TEAD1: variants seen among roughly 807,000 people sequenced by gnomAD.
The protein encoded by TEAD1 is transcriptional enhancer factor TEF-1.
TEAD1 carries 9 observed loss-of-function variants against 54.9 expected under a neutral mutation model. The observed-to-expected ratio is 0.16, with a 90% CI of 0.10 to 0.29. TEAD1 has a LOEUF of 0.29. Ranked by LOEUF, TEAD1 falls within the 10% of genes least tolerant of loss-of-function variation. TEAD1 has a pLI of 1.00. For synonymous variants in TEAD1, 200 were observed against 187.8 expected, an observed-to-expected ratio of 1.07 and a Z score of -0.53; for missense variants, 387 against 535.9, an observed-to-expected ratio of 0.72 and a Z score of 2.74.
At chr11:12,820,067 G>T (rs1247803185) in intron 3 of TEAD1, among the ~76,000 whole-genome samples, 1 of 151,880 alleles carries the variant, frequency 6.6e-6, no homozygotes. Flanking sequence ...TGAAGGGGAG[G>T]TGGTGGCAGG....
intron 9 of TEAD1, among the ~76,000 whole-genome samples, chr11:12,899,368 C>T (rs745541945): frequency 2.6e-5 from 4 of 152,138 alleles, no homozygotes; most frequent in East Asian, 3.9e-4. Context: ...TTTATACCAA[C>T]GTCTGTGCCC....
chr11:12,800,887 C>T (rs938358033), intron 3 of TEAD1, among the ~76,000 whole-genome samples: 23 of 152,158 alleles, frequency 1.5e-4, no homozygotes, highest in African/African-American at 5.6e-4. Flanking sequence ...CCTAAGTACC[C>T]CTTGTGAATG....
chr11:12,789,415 CTTT>C (rs1432892016), intron 3 of TEAD1, among the ~76,000 whole-genome samples: 1 of 152,106 alleles, frequency 6.6e-6, no homozygotes, highest in African/African-American at 2.4e-5. Context: ...AAATGAAATA[CTTT>C]TTAAGAAAGT....
At chr11:12,902,196 C>A in intron 10 of TEAD1, 83 bp downstream of exon 10, 1 of 1,574,982 alleles carries the variant, frequency 6.3e-7, no homozygotes, top group Non-Finnish European at 8.7e-7. Context: ...GCACAGCTGG[C>A]TTTGGATTTA....
At chr11:12,851,090 T>G (rs1466854152) in intron 3 of TEAD1, 1 of 983,612 alleles carries the variant, frequency 1.0e-6, no homozygotes, top group African/African-American at 1.7e-5. Flanking sequence ...AGAGGTGAGC[T>G]CCTTCATTCA....
chr11:12,747,416 A>C (rs1024474155), intron 2 of TEAD1, among the ~76,000 whole-genome samples: 1 of 151,940 alleles, frequency 6.6e-6, no homozygotes, highest in African/African-American at 2.4e-5. Flanking sequence ...GCTCACTGCA[A>C]CTCTGCCTCC....
chr11:12,917,383 A>G (rs1028777514), intron 10 of TEAD1, among the ~76,000 whole-genome samples: 2 of 152,152 alleles, frequency 1.3e-5, no homozygotes, highest in Non-Finnish European at 2.9e-5. Context: ...GCCAGCCTGG[A>G]GCTGAATTAA....
intron 3 of TEAD1, among the ~76,000 whole-genome samples, chr11:12,771,371 T>C (rs1945308210): frequency 6.6e-6 from 1 of 152,190 alleles, no homozygotes; most frequent in Non-Finnish European, 1.5e-5. Flanking sequence ...GTTAGATGGC[T>C]GTTACAGTAG....
rs1945296132 is a variant in TEAD1 at position 12,770,701 on chromosome 11, A to G, written c.202+6267A>G. On this transcript the variant is annotated intron_variant, in intron 3 of 12. Transcript: ENST00000527636. Reference sequence around the variant, plus strand: ...ATAGTAAATAAGCTGTGGAGCTGACATTTACAACCAAGCCAGTCAATACAA... The same window carrying G: ...ATAGTAAATAAGCTGTGGAGCTGACGTTTACAACCAAGCCAGTCAATACAA... Among the ~76,000 whole-genome samples the G allele has an allele frequency of 2.0e-5, 3 of 152,228 alleles. No individual in the cohort carries two copies. The South Asian group carries it at 6.2e-4, about 32-fold the overall frequency.
At chr11:12,803,087 A>G (rs1946096042) in intron 3 of TEAD1, among the ~76,000 whole-genome samples, 1 of 150,432 alleles carries the variant, frequency 6.6e-6, no homozygotes. Context: ...GCGCCTGCCT[A>G]ACATTTTCAC....
At chr11:12,933,196 A>G (rs530284942) in intron 12 of TEAD1, among the ~76,000 whole-genome samples, 2 of 152,222 alleles carry the variant, frequency 1.3e-5, no homozygotes, top group Non-Finnish European at 2.9e-5. Flanking sequence ...TATGACTTCA[A>G]CCAATACAGC....
chr11:12,742,437 T>C (rs1210272610), intron 2 of TEAD1, among the ~76,000 whole-genome samples: 1 of 151,556 alleles, frequency 6.6e-6, no homozygotes, highest in Admixed American at 6.6e-5. Context: ...GTTTTGGGGG[T>C]GAGAGGGTGG....
chr11:12,820,482 G>A (rs1007438914), intron 3 of TEAD1, among the ~76,000 whole-genome samples: 1 of 152,126 alleles, frequency 6.6e-6, no homozygotes, highest in African/African-American at 2.4e-5. Context: ...TCAGATCTTA[G>A]GAGTTACAGG....
intron 2 of TEAD1, among the ~76,000 whole-genome samples, chr11:12,704,276 T>C (rs1375264805): frequency 6.6e-6 from 1 of 152,190 alleles, no homozygotes; most frequent in South Asian, 2.1e-4. Context: ...GGGCCACTGT[T>C]TTCCTTCTGA....
chr11:12,815,767 A>G (rs1238204926), intron 3 of TEAD1, among the ~76,000 whole-genome samples: 3 of 152,214 alleles, frequency 2.0e-5, no homozygotes, highest in Non-Finnish European at 2.9e-5. Context: ...CCAAAGGACA[A>G]ATTTTCTGTG....
intron 9 of TEAD1, among the ~76,000 whole-genome samples, chr11:12,898,747 T>A (rs1481835484): frequency 6.6e-6 from 1 of 152,188 alleles, no homozygotes; most frequent in East Asian, 1.9e-4. Context: ...TTCTGAGCAT[T>A]AGCTCCTTTA....
At chr11:12,878,117 C>T (rs1947892195) in intron 5 of TEAD1, among the ~76,000 whole-genome samples, 1 of 152,144 alleles carries the variant, frequency 6.6e-6, no homozygotes, top group South Asian at 2.1e-4. Flanking sequence ...TTCCCCTTTC[C>T]CTTTTTCTTT....
At chr11:12,716,763 A>G (rs1944071610) in intron 2 of TEAD1, among the ~76,000 whole-genome samples, 1 of 152,250 alleles carries the variant, frequency 6.6e-6, no homozygotes. Context: ...CCATTAAGGA[A>G]TGTAAAAACC....
chr11:12,921,261 G>C (rs991690879), intron 10 of TEAD1: 1 of 152,228 alleles, frequency 6.6e-6, no homozygotes, highest in South Asian at 2.1e-4. Flanking sequence ...GCTGCGCCAG[G>C]CATGGTGGCT....
Sources: gnomAD v4.1 joint callset for allele counts (sites outside exome capture counted in the v4.1 genomes callset) on GRCh38, gnomAD v4.1.1 for gene constraint, MANE v1.5 for transcripts, NCBI Gene and HGNC (gene_info 2026-07-23, HGNC 2026-07-21) for gene names.